CEP104: variants seen among roughly 807,000 people sequenced by gnomAD.
CEP104 encodes the protein centrosomal protein of 104 kDa.
In CEP104, 84 loss-of-function variants were observed where a neutral mutation model predicts 113.3. The observed-to-expected ratio is 0.74, with a 90% CI of 0.62 to 0.89. CEP104 has a LOEUF of 0.89. CEP104 is among the 40% of genes least tolerant of loss of function. The pLI, the probability that CEP104 is intolerant of heterozygous loss-of-function variation, is 0.00. For synonymous variants in CEP104, 378 were observed against 421.7 expected (o/e 0.90, Z 1.27); for missense variants, 1,053 against 1,156.6 (o/e 0.91, Z 1.30).
In CEP104 at chr1:3,823,188, T is replaced by C. The variant is rs1238370836; in HGVS notation, c.2557A>G (p.Ser853Gly). ...AGGCCCCTCACCTCTTCTCCAGGGC[T>C]GAAGTTCTCATGACACAGGGGACAC... ...NRCPLCHENF[S>G]PGEEAWKAHL... Residue 853 changes from serine (S) to glycine (G), a missense_variant, in exon 20 of 22, where the codon AGC becomes GGC. Ser to Gly is a moderately conservative substitution (Grantham distance 56). Coordinates refer to ENST00000378230, the MANE Select transcript of CEP104 (RefSeq NM_014704.4). The surrounding 1 kb of genome is among the most constrained non-coding windows in gnomAD (Gnocchi z 4.1). 4 of 1,614,172 alleles carry C rather than the reference T, an allele frequency of 2.5e-6. No homozygotes were observed. The Middle Eastern group carries it at 5.0e-4, about 200-fold the overall frequency.
chr1:3,853,839 A>C (rs1644661801), intron 1 of CEP104, among the ~76,000 whole-genome samples: 1 of 152,204 alleles, frequency 6.6e-6, no homozygotes, highest in Admixed American at 6.5e-5. Context: ...TCCTGCCTAT[A>C]ATCTCAGCAC....
intron 21 of CEP104, chr1:3,816,019 A>G (rs1195390260): frequency 6.9e-6 from 3 of 437,056 alleles, no homozygotes; most frequent in Non-Finnish European, 1.2e-5. Flanking sequence ...GAAAGAGCGG[A>G]GGACGGGAGT....
chr1:3,837,639 A>G (rs1202921867), intron 8 of CEP104, 120 bp from the exon 9 acceptor site: 4 of 858,356 alleles, frequency 4.7e-6, no homozygotes, highest in East Asian at 2.7e-5. Context: ...CCTTGGCACA[A>G]TGAAAAATTT....
In CEP104 at chr1:3,815,172, A is replaced by C. The variant is rs1643861017; in HGVS notation, c.*230T>G. 1.8e-6 allele frequency: 1 copy of C among 544,740 alleles called. No homozygotes were observed. Among genetic ancestry groups the C allele is most frequent in the Non-Finnish European group, 3.3e-6 (1 of 303,834 alleles). The allele number at this position is 544,740 out of a possible 1,614,324, so 33.7% of individuals were successfully genotyped here. On this transcript the variant is annotated 3_prime_UTR_variant, in exon 22 of 22. Transcript: ENST00000378230. ...GGCCTGAGACAGCCCTGAAGGCTTA[A>C]TGTACAGTGCGGCCAGGTCCTGGCA...
rs1300381848 is a variant in CEP104, at chr1:3,843,377, T to C, written c.566+1530A>G. The C allele has an allele frequency of 2.7e-3, 237 of 87,582 alleles. 1 individual carries two copies. Among genetic ancestry groups the C allele is most frequent in the East Asian group, 8.7e-3 (51 of 5,864 alleles). 5.4% of individuals were successfully genotyped at this position (87,582 alleles called of 1,614,324 possible). A position where few individuals can be genotyped will look rare whatever the true frequency, so the allele number is the denominator to read the frequency against. ...AACAGCAGCAGAAAAATATGTATAA[T>C]TTTTTTTTTTTTTTTTTGAGACAGG... On this transcript the variant is annotated intron_variant, in intron 6 of 21. Coordinates refer to ENST00000378230, the MANE Select transcript of CEP104 (RefSeq NM_014704.4).
chr1:3,835,136 C>T (rs998263520), intron 10 of CEP104, 44 bp from the exon 11 acceptor site: 10 of 1,539,308 alleles, frequency 6.5e-6, no homozygotes, highest in South Asian at 2.5e-5. Context: ...CACAACCATC[C>T]TCCAACACTA....
intron 15 of CEP104, among the ~76,000 whole-genome samples, chr1:3,827,431 G>A (rs12736124): frequency 0.3 from 46,221 of 151,812 alleles, 8,251 homozygotes; most frequent in African/African-American, 0.49. Context: ...TGTTGCCCAG[G>A]CTGGTCTTGA....
intron 1 of CEP104, among the ~76,000 whole-genome samples, chr1:3,852,932 C>T (rs954233523): frequency 5.3e-5 from 8 of 150,820 alleles, no homozygotes; most frequent in African/African-American, 1.7e-4. Context: ...GGCCAGCAGG[C>T]GCCCAAGGTT....
chr1:3,851,806 TGCCCAA>T (rs1644616491), intron 2 of CEP104, among the ~76,000 whole-genome samples: 2 of 152,200 alleles, frequency 1.3e-5, no homozygotes, highest in African/African-American at 4.8e-5. Context: ...GGAGCCACTG[TGCCCAA>T]TTGAACATTT....
chr1:3,828,978 A>G (rs558891228), intron 15 of CEP104, among the ~76,000 whole-genome samples: 1 of 152,248 alleles, frequency 6.6e-6, no homozygotes, highest in East Asian at 1.9e-4. Context: ...AGAGCTGTGG[A>G]GGAGAGCAGC....
At chr1:3,844,667 C>T (rs771486019) in intron 6 of CEP104, among the ~76,000 whole-genome samples, 31 of 112,848 alleles carry the variant, frequency 2.7e-4, no homozygotes, top group African/African-American at 4.3e-4. Flanking sequence ...CATTACACTC[C>T]GGCCTGGGCA....
chr1:3,814,181 C>G lies in CEP104; in HGVS notation c.*1221G>C, dbSNP rs1643838563. 1 of 152,176 alleles carries G rather than the reference C, an allele frequency of 6.6e-6. No individual in the cohort carries two copies. The highest frequency in any genetic ancestry group is 1.5e-5 in the Non-Finnish European group (1 of 68,046). The allele number at this position is 152,176 out of a possible 1,614,324, so 9.4% of individuals were successfully genotyped here. A position where few individuals can be genotyped will look rare whatever the true frequency, so the allele number is the denominator to read the frequency against. ...AACATCAGCGAGGCAAGCAGAAGCC[C>G]TGGGCACCAGGTGGGAGGGGACTGC... On this transcript the variant is annotated 3_prime_UTR_variant, in exon 22 of 22. Transcript: ENST00000378230.
chr1:3,831,076 G>C lies in CEP104; in HGVS notation c.1806C>G (p.Ser602Arg). 6.2e-7 allele frequency: 1 copy of C among 1,614,070 alleles called. No homozygotes were observed. Among genetic ancestry groups the C allele is most frequent in the Non-Finnish European group, 8.5e-7 (1 of 1,180,032 alleles). Reference protein sequence around the residue: ...ARLLKDLGTGSSGFTIDNVMK... With the variant: ...ARLLKDLGTGRSGFTIDNVMK... The stretch of plus-strand genomic sequence containing the variant: ...TCACGTTGTCAATGGTGAAGCCCGA[G>C]CTGCCAGTGCCCAGGTCTTTCAGCA... The change falls in exon 13 of 22, where the codon AGC (serine) becomes AGG (arginine). Residue 602 changes from serine (S) to arginine (R), a missense_variant. Physicochemically the swap from Ser to Arg is moderately radical, Grantham distance 110 (BLOSUM62 -1). Transcript: ENST00000378230.
chr1:3,841,155 G>T (rs986044008), intron 6 of CEP104, among the ~76,000 whole-genome samples: 1 of 152,134 alleles, frequency 6.6e-6, no homozygotes, highest in Non-Finnish European at 1.5e-5. Flanking sequence ...AGCTGCTTAC[G>T]GCGACTTGAA....
intron 10 of CEP104, 100 bp from the exon 11 acceptor site, chr1:3,835,192 T>C (rs1207336449): frequency 1.2e-6 from 1 of 845,122 alleles, no homozygotes; most frequent in Non-Finnish European, 1.7e-6. Flanking sequence ...ATGATTCATT[T>C]CTAAGAACAG....
rs140077679 is a variant in CEP104, at chr1:3,852,426, T to TTA, written c.-14-7_-14-6dup. On this transcript the variant is annotated splice_polypyrimidine_tract_variant and splice_region_variant and intron_variant, in intron 1 of 21. Transcript: ENST00000378230. ...GGGGCATTCTGCACGTTTGGGCTGT[T>TTA]TATAAGAGCAGGAAAAACTTCTTTA... 3.4e-4 allele frequency: 543 copies of TTA among 1,604,342 alleles called. 4 individuals are homozygous for TTA. The African/African-American group carries it at 6.8e-3, about 20-fold the overall frequency.
rs1308499460 is a variant in CEP104, at chr1:3,829,934, A to G, written c.1900T>C (p.Leu634=). ...EVRETAVRII[L]DMYRQHQASI... is the part of the protein sequence containing the mutation. Reference sequence around the variant, plus strand: ...GCCTGGTGCTGTCTGTACATGTCCAAAATAATTCGAACCGCCGTCTCGCGG... The same window carrying G: ...GCCTGGTGCTGTCTGTACATGTCCAGAATAATTCGAACCGCCGTCTCGCGG... The change falls in exon 14 of 22, where the codon TTG becomes CTG. Residue 634 remains leucine (L), a synonymous_variant. Coordinates refer to ENST00000378230, the MANE Select transcript of CEP104 (RefSeq NM_014704.4). 3 of 1,614,182 alleles carry G rather than the reference A, an allele frequency of 1.9e-6. No homozygotes were observed. Among genetic ancestry groups the G allele is most frequent in the Non-Finnish European group, 2.5e-6 (3 of 1,180,040 alleles).
rs373332298 is a variant in CEP104, at chr1:3,823,168, C to T, written c.2571+6G>A. On this transcript the variant is annotated splice_donor_region_variant and intron_variant, in intron 20 of 21. Coordinates refer to ENST00000378230, the MANE Select transcript of CEP104 (RefSeq NM_014704.4). The surrounding 1 kb of genome is among the most constrained non-coding windows in gnomAD (Gnocchi z 4.1). ...TTCACTGGTCCCTTCTCCCCAGGCC[C>T]CTCACCTCTTCTCCAGGGCTGAAGT... 3.8e-4 allele frequency: 615 copies of T among 1,613,900 alleles called. No individual in the cohort carries two copies. The highest frequency in any genetic ancestry group is 4.8e-4 in the Non-Finnish European group (569 of 1,179,958).
intron 1 of CEP104, among the ~76,000 whole-genome samples, chr1:3,853,304 T>C (rs1269945139): frequency 6.6e-6 from 1 of 152,124 alleles, no homozygotes; most frequent in African/African-American, 2.4e-5. Context: ...CACAGGACAT[T>C]GAGCCCAATT....
Sources: gnomAD v4.1 joint callset for allele counts (sites outside exome capture counted in the v4.1 genomes callset) on GRCh38, gnomAD v4.1.1 for gene constraint, Gnocchi (gnomAD v3.1) non-coding constraint, MANE v1.5 for transcripts, NCBI Gene and HGNC (gene_info 2026-07-23, HGNC 2026-07-21) for gene names.